The following NCAPD2 variants were observed in gnomAD, a reference collection of about 807,000 sequenced individuals.
The protein encoded by NCAPD2 is non-SMC condensin I complex subunit D2.
NCAPD2 carries 100 observed loss-of-function variants against 164.5 expected under a neutral mutation model. The ratio of observed to expected loss-of-function variants is 0.61; its 90% CI spans 0.52 to 0.72. The LOEUF is 0.72. Among genes scored for constraint, NCAPD2 ranks in the 30% least tolerant of loss-of-function variants. NCAPD2 has a pLI of 0.00. For synonymous variants in NCAPD2, 585 were observed against 642.6 expected (o/e 0.91, Z 1.36); for missense variants, 1,560 against 1,749.2 (o/e 0.89, Z 1.93).
chr12:6,496,552 G>A (rs917639347), intron 2 of NCAPD2, among the ~76,000 whole-genome samples: 2 of 151,922 alleles, frequency 1.3e-5, no homozygotes, highest in Non-Finnish European at 1.5e-5. Flanking sequence ...AGCCTCCCAA[G>A]CAGCTGGGAT....
rs1946373108 is a variant in NCAPD2 at position 6,531,484 on chromosome 12, G to A, written c.*72G>A. On this transcript the variant is annotated 3_prime_UTR_variant, in exon 32 of 32. Transcript: ENST00000315579. The surrounding 1 kb of genome is among the most constrained non-coding windows in gnomAD (Gnocchi z 4.1). ...CTGGAATTCGAATTCTGTTTCCCTT[G>A]TAAAATATTTGTCTGTCTCTTTTTT... 3.2e-6 allele frequency: 5 copies of A among 1,557,658 alleles called. No individual in the cohort carries two copies. Among genetic ancestry groups the A allele is most frequent in the Non-Finnish European group, 4.3e-6 (5 of 1,153,400 alleles).
intron 2 of NCAPD2, among the ~76,000 whole-genome samples, chr12:6,497,465 C>T (rs1009878924): frequency 5.9e-5 from 9 of 152,180 alleles, no homozygotes; most frequent in African/African-American, 2.2e-4. Context: ...ATTCCACCCT[C>T]TAACAGGCTC....
chr12:6,505,125 G>A (rs1379021056), intron 2 of NCAPD2, among the ~76,000 whole-genome samples: 1 of 152,180 alleles, frequency 6.6e-6, no homozygotes, highest in Non-Finnish European at 1.5e-5. Flanking sequence ...GAGTGCAGTG[G>A]CATGATCTCG....
At position 6,527,096 on chromosome 12, in the gene NCAPD2, A is replaced by G. The variant is rs748793503; in HGVS notation, c.2907+33A>G. The G allele has an allele frequency of 4.6e-5, 73 of 1,574,250 alleles. 2 individuals carry two copies. Among genetic ancestry groups the G allele is most frequent in the African/African-American group, 1.4e-5 (1 of 73,902 alleles). On this transcript the variant is annotated intron_variant, in intron 22 of 31. Coordinates refer to ENST00000315579, the MANE Select transcript of NCAPD2 (RefSeq NM_014865.4). ...AATGTCCTCAGCACTTCCCAGATTT[A>G]TTTCATACCTCAGCTCAGAACTGAG...
intron 5 of NCAPD2, 21 bp from the exon 6 acceptor site, chr12:6,511,089 T>C (rs748635986): frequency 3.0e-5 from 48 of 1,612,156 alleles, no homozygotes; most frequent in Admixed American, 6.7e-5. Context: ...TTTTCCTCAA[T>C]GTATACATGA....
At position 6,531,449 on chromosome 12, in the gene NCAPD2, G is replaced by A. The variant is rs376231754; in HGVS notation, c.*37G>A. Reference sequence around the variant, plus strand: ...CTGTCCTCCCTGTGCAGGGTATCCTGTAGGGTGACCTGGAATTCGAATTCT... The same window carrying A: ...CTGTCCTCCCTGTGCAGGGTATCCTATAGGGTGACCTGGAATTCGAATTCT... On this transcript the variant is annotated 3_prime_UTR_variant, in exon 32 of 32. Transcript: ENST00000315579. The surrounding 1 kb of genome is among the most constrained non-coding windows in gnomAD (Gnocchi z 4.1). 16 of 1,608,802 alleles carry A rather than the reference G, an allele frequency of 9.9e-6. No homozygotes were observed. In the African/African-American group the frequency reaches 1.1e-4, roughly 11 times the overall value.
chr12:6,496,991 A>G (rs941817242), intron 2 of NCAPD2, among the ~76,000 whole-genome samples: 12 of 152,330 alleles, frequency 7.9e-5, no homozygotes, highest in African/African-American at 2.6e-4. Context: ...TATGTGGTCT[A>G]TTGTTTACCA....
intron 27 of NCAPD2, 44 bp downstream of exon 27, chr12:6,529,083 G>A (rs1362299447): frequency 4.5e-6 from 7 of 1,550,372 alleles, no homozygotes; most frequent in Non-Finnish European, 5.3e-6. Context: ...ACATAGCACG[G>A]GCTTAGGAAT....
Position 6,528,553 on chromosome 12 carries a change from C to A in NCAPD2, c.3300-126C>A. On this transcript the variant is annotated intron_variant, in intron 25 of 31. Transcript: ENST00000315579. This position sits in a 1 kb window ranked among gnomAD's most constrained non-coding sequence, Gnocchi z 5.1. ...CCCCACTCCAGCTTTCAACTCTAGACAGCTTTCTGACTGCTTCTGGAGTGG... is the reference window on the plus strand; with the variant it reads ...CCCCACTCCAGCTTTCAACTCTAGAAAGCTTTCTGACTGCTTCTGGAGTGG... 8.0e-7 allele frequency: 1 copy of A among 1,246,964 alleles called. No individual in the cohort carries two copies. The allele number at this position is 1,246,964 out of a possible 1,614,324, so 77.2% of individuals were successfully genotyped here.
At position 6,531,352 on chromosome 12, in the gene NCAPD2, C is replaced by T. The variant is rs1450249087; in HGVS notation, c.4146C>T (p.Asp1382=). ...ATCTTTCAGCAGAGATGACAGAAGA[C>T]GAGACACCCAAGAAAACAACTCCCA... is the stretch of plus-strand genomic sequence containing the variant. ...EEDLSAEMTE[D]ETPKKTTPIL... The change falls in exon 32 of 32, where the codon GAC becomes GAT. Residue 1382 remains aspartate, a synonymous_variant. Coordinates refer to ENST00000315579, the MANE Select transcript of NCAPD2 (RefSeq NM_014865.4). The surrounding 1 kb of genome is among the most constrained non-coding windows in gnomAD (Gnocchi z 4.1). The T allele has an allele frequency of 6.8e-6, 11 of 1,613,666 alleles. No homozygotes were observed. Among genetic ancestry groups the T allele is most frequent in the Middle Eastern group, 1.7e-4 (1 of 5,850 alleles).
Position 6,517,440 on chromosome 12 carries a change from T to G in NCAPD2, c.1261T>G (p.Cys421Gly). The G allele has an allele frequency of 1.2e-6, 2 of 1,614,220 alleles. No individual in the cohort carries two copies. Among genetic ancestry groups the G allele is most frequent in the Non-Finnish European group, 1.7e-6 (2 of 1,180,034 alleles). Residue 421 changes from cysteine to glycine, a missense_variant, in exon 11 of 32, where the codon TGT becomes GGT. Coordinates refer to ENST00000315579, the MANE Select transcript of NCAPD2 (RefSeq NM_014865.4). ...GRLADKSVLVCKNAIQLLASF... is the reference protein window; with the variant it reads ...GRLADKSVLVGKNAIQLLASF... ...TCTGGCAGACAAGTCAGTGCTAGTATGTAAAAATGCCATCCAGCTGCTGGC... is the reference window on the plus strand; with the variant it reads ...TCTGGCAGACAAGTCAGTGCTAGTAGGTAAAAATGCCATCCAGCTGCTGGC...
intron 13 of NCAPD2, among the ~76,000 whole-genome samples, chr12:6,520,674 C>T (rs1946255813): frequency 6.6e-6 from 1 of 152,080 alleles, no homozygotes; most frequent in African/African-American, 2.4e-5. Context: ...AGTTTTTAAA[C>T]AGGTGTTTGG....
chr12:6,495,449 A>G (rs1592162568), intron 2 of NCAPD2, among the ~76,000 whole-genome samples: 1 of 152,236 alleles, frequency 6.6e-6, no homozygotes, highest in African/African-American at 2.4e-5. Context: ...GTCTTGGTGT[A>G]TGTGATTACT....
rs528574702 is a variant in NCAPD2, at chr12:6,499,854, C to T, written c.127+4629C>T. On this transcript the variant is annotated intron_variant, in intron 2 of 31. Transcript: ENST00000315579. ...AAGACAGTGTGGCCAGGCGCAGTGG[C>T]TCACACCTGTAATCCTAGCACTTTG... 2.0e-4 allele frequency among the ~76,000 whole-genome samples: 30 copies of T among 152,240 alleles called. 1 individual carries two copies. The South Asian group carries it at 6.2e-3, about 32-fold the overall frequency.
intron 18 of NCAPD2, 81 bp from the exon 19 acceptor site, chr12:6,525,987 G>A: frequency 1.3e-6 from 2 of 1,542,308 alleles, no homozygotes; most frequent in Non-Finnish European, 8.8e-7. Context: ...ATGAGGTGCT[G>A]GTACCTACCC....
Position 6,521,926 on chromosome 12 carries a change from G to A in NCAPD2, c.1843G>A (p.Val615Met). ...GGAATCCAGGGGAAATGATGAACTA[G>A]TGAAGCAGGAGATGCTGGTACAGTA... ...PEESRGNDELVKQEMLVQYLQ... is the reference protein window; with the variant it reads ...PEESRGNDELMKQEMLVQYLQ... The change falls in exon 15 of 32, where the codon GTG becomes ATG. Residue 615 changes from valine to methionine, a missense_variant. Coordinates refer to ENST00000315579, the MANE Select transcript of NCAPD2 (RefSeq NM_014865.4). 1 of 1,614,142 alleles carries A rather than the reference G, an allele frequency of 6.2e-7. No homozygotes were observed. The highest frequency in any genetic ancestry group is 8.5e-7 in the Non-Finnish European group (1 of 1,180,032).
intron 29 of NCAPD2, among the ~76,000 whole-genome samples, 192 bp from the exon 30 acceptor site, chr12:6,530,499 C>G (rs1283752187): frequency 6.6e-6 from 1 of 152,222 alleles, no homozygotes; most frequent in Non-Finnish European, 1.5e-5. Flanking sequence ...CCCACAACCC[C>G]TGATCTTTTT....
chr12:6,530,901 C>T lies in NCAPD2; in HGVS notation c.3965-20C>T, dbSNP rs763691956. On this transcript the variant is annotated intron_variant, in intron 30 of 31. Coordinates refer to ENST00000315579, the MANE Select transcript of NCAPD2 (RefSeq NM_014865.4). ...TTGTTTCTTCTTCTTTTTTAAATCA[C>T]GTTTTCCTGCCTTTTCTAGGTTCTA... 8.1e-6 allele frequency: 13 copies of T among 1,613,142 alleles called. No individual in the cohort carries two copies. The highest frequency in any genetic ancestry group is 6.7e-5 in the Admixed American group (4 of 59,826).
At position 6,521,819 on chromosome 12, in the gene NCAPD2, A is replaced by G; in HGVS notation, c.1736A>G (p.Glu579Gly). 6.2e-7 allele frequency: 1 copy of G among 1,613,996 alleles called. No individual in the cohort carries two copies. Among genetic ancestry groups the G allele is most frequent in the Non-Finnish European group, 8.5e-7 (1 of 1,179,910 alleles). ...IFKGPAASTQ[E>G]KNPRESTGNM... ...TTAGGCCCAGCAGCTTCCACACAAG[A>G]AAAGAATCCCCGGGAGTCTACAGGA... The change falls in exon 15 of 32, where the codon GAA (glutamate) becomes GGA (glycine). Residue 579 changes from glutamate (E) to glycine (G), a missense_variant. By Grantham distance (98) the Glu-to-Gly change is moderately conservative (BLOSUM62 -2). Coordinates refer to ENST00000315579, the MANE Select transcript of NCAPD2 (RefSeq NM_014865.4).
Sources: gnomAD v4.1 joint callset for allele counts (sites outside exome capture counted in the v4.1 genomes callset) on GRCh38, gnomAD v4.1.1 for gene constraint, Gnocchi (gnomAD v3.1) non-coding constraint, MANE v1.5 for transcripts, NCBI Gene and HGNC (gene_info 2026-07-23, HGNC 2026-07-21) for gene names.